Variants in LRPPRC observed in about 807,000 individuals in gnomAD.
LRPPRC encodes leucine-rich PPR motif-containing protein, mitochondrial.
In LRPPRC, 120 loss-of-function variants were observed where a neutral mutation model predicts 180.3. The ratio of observed to expected loss-of-function variants is 0.67; its 90% CI spans 0.57 to 0.77. The LOEUF (loss-of-function observed/expected upper bound fraction) is 0.77. LRPPRC is among the 30% of genes least tolerant of loss of function. The pLI, the probability that LRPPRC is intolerant of heterozygous loss-of-function variation, is 0.00. For missense variants in LRPPRC, 2,012 were observed against 1,657.2 expected (o/e 1.21, Z -3.72); for synonymous variants, 723 against 600.0 (o/e 1.21, Z -3.00).
chr2:43,980,594 GAGAGAGAA>G (rs1559053347), intron 2 of LRPPRC, among the ~76,000 whole-genome samples: 4 of 150,348 alleles, frequency 2.7e-5, no homozygotes, highest in Admixed American at 6.7e-5. Flanking sequence ...AAGAGAGAGA[GAGAGAGAA>G]AGAAAGAATA....
chr2:43,919,420 T>C (rs921812039), intron 27 of LRPPRC, among the ~76,000 whole-genome samples: 3 of 152,352 alleles, frequency 2.0e-5, no homozygotes, highest in African/African-American at 2.4e-5. Context: ...CTTAGTTGAA[T>C]AGAGAATTGT....
In LRPPRC at chr2:43,943,697, G is replaced by A. The variant is rs1553402861; in HGVS notation, c.2494C>T (p.His832Tyr). The change falls in exon 23 of 38, where the codon CAC (histidine) becomes TAC (tyrosine). Residue 832 changes from histidine (H) to tyrosine (Y), a missense_variant. By Grantham distance (83) the His-to-Tyr change is moderately conservative (BLOSUM62 2). Transcript: ENST00000260665. ...ATTCAATTAACTTACTTTTCCAAGT[G>A]TACAGTGACCAATGGGAAACTTATG... is the stretch of plus-strand genomic sequence containing the variant. ...TNISFPLVTV[H>Y]LEKGDLSTAL... The A allele has an allele frequency of 5.0e-6, 8 of 1,612,364 alleles. No homozygotes were observed. The highest frequency in any genetic ancestry group is 6.8e-6 in the Non-Finnish European group (8 of 1,178,502).
In LRPPRC at chr2:43,894,565, T is replaced by A. The variant is rs778860532; in HGVS notation, c.3965A>T (p.Asn1322Ile). 1 of 1,536,702 alleles carries A rather than the reference T, an allele frequency of 6.5e-7. No individual in the cohort carries two copies. The highest frequency in any genetic ancestry group is 9.0e-7 in the Non-Finnish European group (1 of 1,109,770). ...ATTACCATAGCTTTTCATGAGGGAATTGTATGCTTCTTCCTTTTCATTTAA... is the reference window on the plus strand; with the variant it reads ...ATTACCATAGCTTTTCATGAGGGAAATGTATGCTTCTTCCTTTTCATTTAA... ...PELNEKEEAY[N>I]SLMKSYVSEK... is the part of the protein sequence containing the mutation. Residue 1322 changes from asparagine (N) to isoleucine (I), a missense_variant, in exon 36 of 38, where the codon AAT becomes ATT. Asn to Ile is a moderately radical substitution (Grantham distance 149, BLOSUM62 -3). Transcript: ENST00000260665.
intron 36 of LRPPRC, chr2:43,892,582 G>A (rs565946029): frequency 9.3e-4 from 142 of 152,274 alleles, no homozygotes; most frequent in African/African-American, 3.3e-3. Context: ...GAGCTCTGAA[G>A]GAGATATACA....
At position 43,950,904 on chromosome 2, in the gene LRPPRC, C is replaced by T. The variant is rs1163670700; in HGVS notation, c.1650-304G>A. Among the ~76,000 whole-genome samples, 5 of 152,234 alleles carry T rather than the reference C, an allele frequency of 3.3e-5. No individual in the cohort carries two copies. The East Asian group carries it at 9.7e-4, about 30-fold the overall frequency. Reference sequence around the variant, plus strand: ...GGCCAACATGGTGAAATCCCGTCTCCACTAGAAGTAGAAAAATTAGCCGGG... The same window carrying T: ...GGCCAACATGGTGAAATCCCGTCTCTACTAGAAGTAGAAAAATTAGCCGGG... On this transcript the variant is annotated intron_variant, in intron 14 of 37. Transcript: ENST00000260665.
chr2:43,976,962 G>C, intron 5 of LRPPRC, 32 bp downstream of exon 5: 1 of 1,568,462 alleles, frequency 6.4e-7, no homozygotes, highest in Non-Finnish European at 8.8e-7. Flanking sequence ...GTACAAATTT[G>C]TTCGCTTAAA....
At chr2:43,942,401 TATG>T (rs1230858582) in intron 23 of LRPPRC, among the ~76,000 whole-genome samples, 1 of 152,118 alleles carries the variant, frequency 6.6e-6, no homozygotes, top group Non-Finnish European at 1.5e-5. Flanking sequence ...TGGCTATGAA[TATG>T]ATAACTCAAT....
In LRPPRC at chr2:43,886,666, A is replaced by G. The variant is rs1035402775; in HGVS notation, c.*1934T>C. On this transcript the variant is annotated 3_prime_UTR_variant, in exon 38 of 38. Transcript: ENST00000260665. ...GGCCAGTGTGGAGTCACTTCATGCA[A>G]ATGAGATGGTACTTTCAGTTTCCCC... 5 of 152,174 alleles carry G rather than the reference A, an allele frequency of 3.3e-5. No homozygotes were observed. The highest frequency in any genetic ancestry group is 9.7e-5 in the African/African-American group (4 of 41,444). The allele number at this position is 152,174 out of a possible 1,614,324, so 9.4% of individuals were successfully genotyped here.
chr2:43,886,655 C>G lies in LRPPRC; in HGVS notation c.*1945G>C, dbSNP rs1269926524. The G allele has an allele frequency of 6.6e-6, 1 of 152,192 alleles. No individual in the cohort carries two copies. Among genetic ancestry groups the G allele is most frequent in the Non-Finnish European group, 1.5e-5 (1 of 68,052 alleles). 9.4% of individuals were successfully genotyped at this position (152,192 alleles called of 1,614,324 possible). ...TCCATATACAGGGCCAGTGTGGAGT[C>G]ACTTCATGCAAATGAGATGGTACTT... is the stretch of plus-strand genomic sequence containing the variant. On this transcript the variant is annotated 3_prime_UTR_variant, in exon 38 of 38. Transcript: ENST00000260665.
At chr2:43,993,377 T>C (rs1674872223) in intron 1 of LRPPRC, among the ~76,000 whole-genome samples, 1 of 152,162 alleles carries the variant, frequency 6.6e-6, no homozygotes, top group Admixed American at 6.5e-5. Flanking sequence ...TCAAGGCACT[T>C]TTGAAATAAT....
chr2:43,961,764 C>G (rs919185413), intron 12 of LRPPRC, among the ~76,000 whole-genome samples: 7 of 152,136 alleles, frequency 4.6e-5, no homozygotes, highest in African/African-American at 1.4e-4. Flanking sequence ...AGTTTGAGAC[C>G]AGCCTGGCCA....
intron 11 of LRPPRC, among the ~76,000 whole-genome samples, chr2:43,972,992 A>G (rs1572565098): frequency 6.6e-6 from 1 of 152,238 alleles, no homozygotes; most frequent in African/African-American, 2.4e-5. Flanking sequence ...CTAAAATTTA[A>G]TATTTGTTCA....
intron 27 of LRPPRC, among the ~76,000 whole-genome samples, chr2:43,921,534 T>C (rs72877146): frequency 0.019 from 2,931 of 152,060 alleles, 91 homozygotes; most frequent in African/African-American, 0.066. Flanking sequence ...AAACAGGATA[T>C]AAAAGAATCA....
Position 43,943,887 on chromosome 2 carries a change from A to G in LRPPRC, c.2304T>C (p.Ile768=). The G allele has an allele frequency of 1.9e-6, 3 of 1,610,558 alleles. No homozygotes were observed. The highest frequency in any genetic ancestry group is 2.5e-6 in the Non-Finnish European group (3 of 1,176,936). The change falls in exon 23 of 38, where the codon ATT becomes ATC. Residue 768 remains isoleucine (I), a synonymous_variant. Transcript: ENST00000260665. ...LAKHGKLQDA[I]NILKEMKEKD... is the part of the protein sequence containing the mutation. ...TCTCTTTCATCTCCTTCAGAATGTT[A>G]ATAGCATCTACAATGAAGTAACACA...
intron 1 of LRPPRC, among the ~76,000 whole-genome samples, chr2:43,992,608 T>A (rs1353697034): frequency 3.6e-4 from 55 of 152,088 alleles, no homozygotes; most frequent in Non-Finnish European, 1.0e-4. Flanking sequence ...ATGAAGGGGC[T>A]GGAGGAAAAG....
At chr2:43,962,899 A>G (rs1180908386) in intron 12 of LRPPRC, among the ~76,000 whole-genome samples, 2 of 152,118 alleles carry the variant, frequency 1.3e-5, no homozygotes, top group Non-Finnish European at 2.9e-5. Flanking sequence ...TTAAGCCCAG[A>G]GTTCAAGACC....
intron 1 of LRPPRC, 157 bp downstream of exon 1, chr2:43,995,642 C>T (rs1263680048): frequency 5.9e-6 from 4 of 680,986 alleles, no homozygotes; most frequent in African/African-American, 3.8e-5. Flanking sequence ...CACCCGAAAA[C>T]CCCTGGTAGG....
intron 11 of LRPPRC, among the ~76,000 whole-genome samples, chr2:43,973,341 T>G (rs1181258664): frequency 1.3e-5 from 2 of 152,066 alleles, no homozygotes; most frequent in African/African-American, 4.8e-5. Context: ...TTTAAGAACT[T>G]AAAAAAACTA....
At chr2:43,973,501 TACTC>T (rs1021217373) in intron 11 of LRPPRC, 102 bp downstream of exon 11, 10 of 772,132 alleles carry the variant, frequency 1.3e-5, no homozygotes, top group South Asian at 8.5e-5. Flanking sequence ...TATCTCATAA[TACTC>T]AGGAATAAGT....
Sources: gnomAD v4.1 joint callset for allele counts (sites outside exome capture counted in the v4.1 genomes callset) on GRCh38, gnomAD v4.1.1 for gene constraint, MANE v1.5 for transcripts, NCBI Gene and HGNC (gene_info 2026-07-23, HGNC 2026-07-21) for gene names.